ZNF761: variants seen among roughly 807,000 people sequenced by gnomAD.
ZNF761 encodes the protein zinc finger protein 761.
ZNF761 carries 43 observed loss-of-function variants against 59.9 expected under a neutral mutation model. The ratio of observed to expected loss-of-function variants is 0.72; its 90% CI spans 0.56 to 0.92. The LOEUF is 0.92. Among genes scored for constraint, ZNF761 ranks in the 40% least tolerant of loss-of-function variants. ZNF761 has a pLI of 0.00. For missense variants in ZNF761, 850 were observed against 906.1 expected, an observed-to-expected ratio of 0.94 and a Z score of 0.79; for synonymous variants, 294 against 304.8, an observed-to-expected ratio of 0.96 and a Z score of 0.37.
chr19:53,444,101 T>G (rs1244671325), intron 1 of ZNF761: 12 of 152,242 alleles, frequency 7.9e-5, no homozygotes, highest in Non-Finnish European at 2.9e-5. Context: ...CCAGAAAGCC[T>G]GGGTATTGTC....
chr19:53,449,742 G>A (rs952783826), intron 4 of ZNF761, 104 bp downstream of exon 4: 100 of 1,571,054 alleles, frequency 6.4e-5, no homozygotes, highest in Middle Eastern at 5.3e-4. Context: ...AGGGTAGAGT[G>A]CAATGGTGTG....
At chr19:53,447,153 C>T (rs1300467838) in intron 2 of ZNF761, 43 bp from the exon 3 acceptor site, 19 of 1,331,516 alleles carry the variant, frequency 1.4e-5, no homozygotes, top group Admixed American at 1.2e-4. Flanking sequence ...ACGGAGGTGG[C>T]GTGTTGATTC....
intron 1 of ZNF761, among the ~76,000 whole-genome samples, chr19:53,440,000 C>A (rs73595261): frequency 0.021 from 3,134 of 152,122 alleles, 107 homozygotes; most frequent in African/African-American, 0.071. Context: ...TTTTGTTCTT[C>A]TTGCATATGA....
intron 1 of ZNF761, among the ~76,000 whole-genome samples, chr19:53,441,180 G>A (rs1166145721): frequency 6.6e-6 from 1 of 152,140 alleles, no homozygotes; most frequent in Non-Finnish European, 1.5e-5. Context: ...TACTGGGGAG[G>A]CTGAGGCATG....
intron 4 of ZNF761, among the ~76,000 whole-genome samples, chr19:53,451,793 G>T (rs1430315825): frequency 4.1e-5 from 6 of 146,956 alleles, no homozygotes; most frequent in Non-Finnish European, 7.4e-5. Flanking sequence ...TTCACCGTGT[G>T]AACCAGGATG....
Position 53,435,361 on chromosome 19 carries a change from A to G in ZNF761, c.-185+3333A>G, listed in dbSNP as rs1006611148. Among the ~76,000 whole-genome samples, 16 of 126,370 alleles carry G rather than the reference A, an allele frequency of 1.3e-4. 1 individual carries two copies. In the South Asian group the frequency reaches 1.5e-3, roughly 12 times the overall value. 82.9% of individuals were successfully genotyped at this position (126,370 alleles called of 152,430 possible). A position where few individuals can be genotyped will look rare whatever the true frequency, so the allele number is the denominator to read the frequency against. On this transcript the variant is annotated intron_variant, in intron 1 of 4. Coordinates refer to ENST00000684525, the MANE Select transcript of ZNF761 (RefSeq NM_001289951.2). ...CTCTTGTTGCCCAGTCTGGAGTGCA[A>G]TGGCATGACCACGGCTCACCACAAC...
chr19:53,451,361 C>T (rs766841485), intron 4 of ZNF761, among the ~76,000 whole-genome samples: 3 of 152,144 alleles, frequency 2.0e-5, no homozygotes, highest in South Asian at 4.1e-4. Flanking sequence ...CAGATGTGTG[C>T]CACCACGCCT....
chr19:53,435,974 C>T (rs570515574), intron 1 of ZNF761, among the ~76,000 whole-genome samples: 2 of 152,288 alleles, frequency 1.3e-5, no homozygotes, highest in East Asian at 3.9e-4. Context: ...GTGACTAGAG[C>T]TGGGCTTGTC....
chr19:53,451,788 C>T (rs1199494839), intron 4 of ZNF761, among the ~76,000 whole-genome samples: 5 of 149,886 alleles, frequency 3.3e-5, no homozygotes, highest in African/African-American at 7.4e-5. Flanking sequence ...GGGGTTTCAC[C>T]GTGTGAACCA....
chr19:53,435,544 C>T (rs1328775959), intron 1 of ZNF761, among the ~76,000 whole-genome samples: 1 of 151,210 alleles, frequency 6.6e-6, no homozygotes, highest in South Asian at 2.1e-4. Context: ...CTCAGGTGAT[C>T]CACCCATCGT....
chr19:53,433,897 A>G (rs2086006365), intron 1 of ZNF761, among the ~76,000 whole-genome samples: 1 of 152,194 alleles, frequency 6.6e-6, no homozygotes, highest in South Asian at 2.1e-4. Flanking sequence ...AACGTGGGCT[A>G]ATTTTTTCAT....
At chr19:53,432,300 C>T (rs3746307) in intron 1 of ZNF761, among the ~76,000 whole-genome samples, 24,245 of 152,178 alleles carry the variant, frequency 0.16, 2,185 homozygotes, top group East Asian at 0.35. Flanking sequence ...TCTGACTCCT[C>T]CCGCCCCGCG....
Position 53,454,796 on chromosome 19 carries a change from T to TATGA in ZNF761, c.292_295dup (p.Phe99Ter). ...GGATGTTGATAAAGATATTCATGACTATGAATTTCAATGGCAAGAAGATGA... is the reference window on the plus strand; with the variant it reads ...GGATGTTGATAAAGATATTCATGACTATGAATGAATTTCAATGGCAAGAAGATGA... On this transcript the variant is annotated frameshift_variant, in exon 5 of 5. Coordinates refer to ENST00000684525, the MANE Select transcript of ZNF761 (RefSeq NM_001289951.2). LOFTEE classifies it high-confidence loss of function. 2 of 1,614,128 alleles carry TATGA rather than the reference T, an allele frequency of 1.2e-6. No individual in the cohort carries two copies. The highest frequency in any genetic ancestry group is 1.7e-6 in the Non-Finnish European group (2 of 1,180,022).
At chr19:53,434,661 G>A (rs2086017756) in intron 1 of ZNF761, among the ~76,000 whole-genome samples, 2 of 152,174 alleles carry the variant, frequency 1.3e-5, no homozygotes, top group South Asian at 4.1e-4. Flanking sequence ...GAGCAACCCA[G>A]TATCTCCTGA....
intron 1 of ZNF761, among the ~76,000 whole-genome samples, chr19:53,439,128 A>T (rs1218677999): frequency 6.6e-6 from 1 of 151,998 alleles, no homozygotes; most frequent in Non-Finnish European, 1.5e-5. Context: ...AAAATTAGGC[A>T]GCCATGGTGG....
In ZNF761 at chr19:53,455,484, A is replaced by G. The variant is rs763411669; in HGVS notation, c.977A>G (p.Tyr326Cys). 5.0e-6 allele frequency: 8 copies of G among 1,613,980 alleles called. No individual in the cohort carries two copies. The highest frequency in any genetic ancestry group is 1.6e-4 in the Middle Eastern group (1 of 6,084). The change falls in exon 5 of 5, where the codon TAT becomes TGT. Residue 326 changes from tyrosine (Y) to cysteine (C), a missense_variant. Tyr to Cys is a radical substitution (Grantham distance 194, BLOSUM62 -2). Transcript: ENST00000684525. ...HRIIHTEEKP[Y>C]KCNECGKTFR... The stretch of plus-strand genomic sequence containing the variant: ...ATAATTCATACTGAAGAGAAACCAT[A>G]TAAGTGTAATGAGTGTGGCAAGACC...
chr19:53,433,049 G>A (rs1260168824), intron 1 of ZNF761, among the ~76,000 whole-genome samples: 1 of 34,658 alleles, frequency 2.9e-5, no homozygotes. Flanking sequence ...GGGACAGGGG[G>A]GTATAACAGG....
chr19:53,455,134 C>T lies in ZNF761; in HGVS notation c.627C>T (p.His209=), dbSNP rs1555838999. 7 of 1,614,168 alleles carry T rather than the reference C, an allele frequency of 4.3e-6. No homozygotes were observed. The East Asian group carries it at 1.6e-4, about 36-fold the overall frequency. ...TACTCACACAAAAACAGGAAGTACA[C>T]ATGAGAGAAAAATCTTTCCAATGTA... The part of the protein sequence containing the change: ...SSLLTQKQEV[H]MREKSFQCNE... The change falls in exon 5 of 5, where the codon CAC becomes CAT. Residue 209 remains histidine (H), a synonymous_variant. Coordinates refer to ENST00000684525, the MANE Select transcript of ZNF761 (RefSeq NM_001289951.2).
intron 3 of ZNF761, 105 bp downstream of exon 3, chr19:53,447,388 T>C (rs2147134615): frequency 6.8e-7 from 1 of 1,468,434 alleles, no homozygotes; most frequent in Middle Eastern, 1.7e-4. Flanking sequence ...GCCTGACAGG[T>C]TTGCTCACAT....
Sources: allele counts gnomAD v4.1 joint callset (sites outside exome capture counted in the v4.1 genomes callset), GRCh38; gene constraint gnomAD v4.1.1; transcripts MANE v1.5; gene names NCBI Gene and HGNC (gene_info 2026-07-23, HGNC 2026-07-21).